The following MED16 variants were observed in gnomAD, a reference collection of about 807,000 sequenced individuals.
MED16 encodes mediator complex subunit 16.
Under a neutral mutation model 84.4 loss-of-function variants are expected in MED16, and 81 were observed. The observed-to-expected ratio is 0.96, with a 90% CI of 0.80 to 1.15. The LOEUF (loss-of-function observed/expected upper bound fraction) is 1.15, where lower values mean the gene tolerates loss of function less well. Among genes scored for constraint, MED16 ranks in the 50% most tolerant of loss-of-function variants. MED16 has a pLI of 0.00. For missense variants in MED16, 1,585 were observed against 1,245.9 expected, an observed-to-expected ratio of 1.27 and a Z score of -4.10; for synonymous variants, 897 against 552.2, an observed-to-expected ratio of 1.62 and a Z score of -8.76.
rs2036037370 is a variant in MED16, at chr19:871,025, G to A, written c.2315+12C>T. ...GTCCTGTGTTTGGGGACCAATGCAG[G>A]GACACACGCACCTGGCGAGGCCGTC... On this transcript the variant is annotated intron_variant, in intron 13 of 15. Transcript: ENST00000325464. 1.4e-5 allele frequency: 21 copies of A among 1,536,004 alleles called. No individual in the cohort carries two copies. Among genetic ancestry groups the A allele is most frequent in the East Asian group, 2.5e-5 (1 of 40,528 alleles).
intron 11 of MED16, 145 bp downstream of exon 11, chr19:873,304 A>T: frequency 1.8e-6 from 1 of 545,248 alleles, no homozygotes; most frequent in Non-Finnish European, 2.9e-6. Context: ...CGGGACTCCA[A>T]GTAGGGGCGG....
Position 871,146 on chromosome 19 carries a change from C to A in MED16, c.2206G>T (p.Asp736Tyr), listed in dbSNP as rs34110403. The A allele has an allele frequency of 1.7e-4, 267 of 1,548,234 alleles. 1 individual carries two copies. The African/African-American group carries it at 3.0e-3, about 18-fold the overall frequency. ...GGCTGCAGGCGGCTAACCAGGCCGTCGCTGGCTGGCAGCCAGTCCAGGCTG... is the reference window on the plus strand; with the variant it reads ...GGCTGCAGGCGGCTAACCAGGCCGTAGCTGGCTGGCAGCCAGTCCAGGCTG... ...IPSLDWLPAS[D>Y]GLVSRLQPKQ... Residue 736 changes from aspartate (D) to tyrosine (Y), a missense_variant, in exon 13 of 16, where the codon GAC becomes TAC. Coordinates refer to ENST00000325464, the MANE Select transcript of MED16 (RefSeq NM_005481.3).
In MED16 at chr19:885,813, G is replaced by A. The variant is rs2036513373; in HGVS notation, c.836C>T (p.Ala279Val). The change falls in exon 5 of 16, where the codon GCC becomes GTC. Residue 279 changes from alanine (A) to valine (V), a missense_variant. Ala to Val is a moderately conservative substitution (Grantham distance 64, BLOSUM62 0). Transcript: ENST00000325464. Reference protein sequence around the residue: ...TDLNRKDKFPAITHLKFLARD... With the variant: ...TDLNRKDKFPVITHLKFLARD... ...GGCCAGGAACTTGAGGTGGGTGATG[G>A]CGGGAAACTTGTCCTTGCGGTTGAG... The A allele has an allele frequency of 1.2e-6, 2 of 1,612,916 alleles. No individual in the cohort carries two copies. The highest frequency in any genetic ancestry group is 2.2e-5 in the East Asian group (1 of 44,854).
At chr19:887,523 GGGCGCGGT>G (rs376531755) in intron 4 of MED16, among the ~76,000 whole-genome samples, 2 of 151,912 alleles carry the variant, frequency 1.3e-5, no homozygotes, top group African/African-American at 4.8e-5. Flanking sequence ...AAAATTAGCC[GGGCGCGGT>G]GGTGCGTGCC....
At chr19:883,352 T>A (rs552351101) in intron 6 of MED16, among the ~76,000 whole-genome samples, 25 of 135,554 alleles carry the variant, frequency 1.8e-4, no homozygotes, top group African/African-American at 6.1e-4. Flanking sequence ...GACCGAAGCC[T>A]GGCACGGTGG....
rs375916656 is a variant in MED16 at position 874,621 on chromosome 19, G to A, written c.1771+623C>T. The stretch of plus-strand genomic sequence containing the variant: ...GGGTGCCGGGTGTCGGCCTGGGAGC[G>A]TCTCAGCCCCCAGGAGTAGAGAGAG... On this transcript the variant is annotated intron_variant, in intron 10 of 15. Transcript: ENST00000325464. Among the ~76,000 whole-genome samples, 290 of 152,304 alleles carry A rather than the reference G, an allele frequency of 1.9e-3. 2 individuals carry two copies. The highest frequency in any genetic ancestry group is 6.5e-3 in the African/African-American group (269 of 41,566).
chr19:872,851 G>T (rs2036115675), intron 11 of MED16: 3 of 634,884 alleles, frequency 4.7e-6, no homozygotes, highest in Admixed American at 1.1e-4. Context: ...GAAGGAGCAG[G>T]GCCTGGGAGG....
intron 12 of MED16, chr19:871,462 T>G: frequency 2.6e-5 from 37 of 1,431,418 alleles, no homozygotes; most frequent in Non-Finnish European, 3.4e-5. Context: ...TCTCCCCGTC[T>G]CTGGCCTGTC....
chr19:882,877 C>T (rs541426833), intron 6 of MED16, among the ~76,000 whole-genome samples: 1 of 152,326 alleles, frequency 6.6e-6, no homozygotes, highest in Admixed American at 6.5e-5. Flanking sequence ...CCTGCAAACC[C>T]GTATAGGGGT....
rs373308433 is a variant in MED16, at chr19:884,349, G to A, written c.985+554C>T. On this transcript the variant is annotated intron_variant, in intron 6 of 15. Coordinates refer to ENST00000325464, the MANE Select transcript of MED16 (RefSeq NM_005481.3). ...AGGTGGGGATGACGGGCTTGGCTCC[G>A]TGGGTGCGGGGGGCCCATCGGGCGG... Among the ~76,000 whole-genome samples, 190 of 152,206 alleles carry A rather than the reference G, an allele frequency of 1.2e-3. 3 individuals carry two copies. The highest frequency in any genetic ancestry group is 4.1e-3 in the African/African-American group (172 of 41,538).
chr19:870,645 G>A (rs1446107830), intron 13 of MED16, among the ~76,000 whole-genome samples: 2 of 151,546 alleles, frequency 1.3e-5, no homozygotes, highest in Non-Finnish European at 2.9e-5. Flanking sequence ...CACAGCAGAA[G>A]ACACCACTAG....
chr19:884,532 C>T (rs2036486233), intron 6 of MED16, among the ~76,000 whole-genome samples: 1 of 152,114 alleles, frequency 6.6e-6, no homozygotes, highest in Admixed American at 6.6e-5. Flanking sequence ...CCCGGTCTGG[C>T]CTGTCCCCTG....
At chr19:888,984 C>A (rs1233003637) in intron 4 of MED16, among the ~76,000 whole-genome samples, 1 of 152,120 alleles carries the variant, frequency 6.6e-6, no homozygotes, top group Admixed American at 6.5e-5. Context: ...AACTGACACA[C>A]AGAGGTGAGG....
intron 13 of MED16, among the ~76,000 whole-genome samples, chr19:869,252 C>T (rs1210991739): frequency 2.6e-5 from 4 of 152,050 alleles, no homozygotes; most frequent in Non-Finnish European, 5.9e-5. Flanking sequence ...GCCACGTGCC[C>T]GGGGAGCCTG....
chr19:878,187 C>A (rs2036308707), intron 8 of MED16, among the ~76,000 whole-genome samples: 2 of 144,052 alleles, frequency 1.4e-5, no homozygotes, highest in South Asian at 4.5e-4. Flanking sequence ...CGAGCCCAGC[C>A]CCACGTGCCC....
intron 12 of MED16, chr19:871,707 G>C (rs752149668): frequency 7.1e-7 from 1 of 1,406,436 alleles, no homozygotes; most frequent in South Asian, 1.2e-5. Context: ...GCCACCTGCA[G>C]GGGCTTATGT....
chr19:884,515 G>A lies in MED16; in HGVS notation c.985+388C>T, dbSNP rs557192740. On this transcript the variant is annotated intron_variant, in intron 6 of 15. Transcript: ENST00000325464. Reference sequence around the variant, plus strand: ...CAGGTTCCGGAGGATTCCGTGCACCGCCCCTGCCCGGTCTGGCCTGTCCCC... The same window carrying A: ...CAGGTTCCGGAGGATTCCGTGCACCACCCCTGCCCGGTCTGGCCTGTCCCC... Among the ~76,000 whole-genome samples, 28 of 152,154 alleles carry A rather than the reference G, an allele frequency of 1.8e-4. No homozygotes were observed. The East Asian group carries it at 3.3e-3, about 18-fold the overall frequency.
intron 10 of MED16, among the ~76,000 whole-genome samples, chr19:874,103 G>C (rs916137399): frequency 9.9e-5 from 15 of 152,078 alleles, no homozygotes; most frequent in African/African-American, 3.6e-4. Context: ...GGGTACTCCA[G>C]ACAAACGATA....
intron 11 of MED16, chr19:873,183 G>A (rs1259785612): frequency 2.0e-6 from 1 of 509,770 alleles, no homozygotes; most frequent in Non-Finnish European, 3.3e-6. Flanking sequence ...TAGGAAGTGG[G>A]GCAGGGCTAG....
Sources: allele counts gnomAD v4.1 joint callset (sites outside exome capture counted in the v4.1 genomes callset), GRCh38; gene constraint gnomAD v4.1.1; transcripts MANE v1.5; gene names NCBI Gene and HGNC (gene_info 2026-07-23, HGNC 2026-07-21).